Variants in MGAT4C observed in about 807,000 individuals in gnomAD.
The protein encoded by MGAT4C is MGAT4 family member C.
A neutral mutation model predicts 40.1 loss-of-function variants in MGAT4C; 19 were observed. That is an observed-to-expected ratio of 0.47 (90% CI 0.33 to 0.70). MGAT4C has a LOEUF of 0.70. Among genes scored for constraint, MGAT4C ranks in the 30% least tolerant of loss-of-function variants. The pLI, the probability that MGAT4C is intolerant of heterozygous loss-of-function variation, is 0.02. For synonymous variants in MGAT4C, 181 were observed against 187.1 expected (o/e 0.97, Z 0.27); for missense variants, 491 against 563.2 (o/e 0.87, Z 1.30).
intron 1 of MGAT4C, among the ~76,000 whole-genome samples, chr12:86,142,964 A>C (rs879846632): frequency 6.6e-6 from 1 of 152,162 alleles, no homozygotes; most frequent in Admixed American, 6.6e-5. Context: ...GAGGCTCCAG[A>C]GAACCCACTT....
At chr12:86,531,839 A>C (rs1383096780) in intron 2 of MGAT4C, among the ~76,000 whole-genome samples, 1 of 151,836 alleles carries the variant, frequency 6.6e-6, no homozygotes, top group African/African-American at 2.4e-5. Context: ...TTTGGTAACA[A>C]TTTTAACTTT....
chr12:86,105,154 C>T (rs571538642), intron 1 of MGAT4C, among the ~76,000 whole-genome samples: 6 of 152,010 alleles, frequency 3.9e-5, no homozygotes, highest in Non-Finnish European at 7.4e-5. Context: ...TTTTTTGCAA[C>T]GATTTCATCT....
At chr12:86,553,072 A>T (rs1336748615) in intron 2 of MGAT4C, among the ~76,000 whole-genome samples, 2 of 152,108 alleles carry the variant, frequency 1.3e-5, no homozygotes, top group Non-Finnish European at 2.9e-5. Context: ...CTACCTAGGT[A>T]AGTATTTCTT....
At chr12:86,597,438 G>A (rs954897101) in intron 2 of MGAT4C, among the ~76,000 whole-genome samples, 1 of 152,180 alleles carries the variant, frequency 6.6e-6, no homozygotes, top group African/African-American at 2.4e-5. Flanking sequence ...AGCTCATGCA[G>A]CATTAATCAT....
chr12:86,159,825 AC>A (rs1885396776), intron 1 of MGAT4C, among the ~76,000 whole-genome samples: 1 of 151,886 alleles, frequency 6.6e-6, no homozygotes, highest in African/African-American at 2.4e-5. Flanking sequence ...ATAGTTGTCC[AC>A]AGTCATCTCT....
chr12:86,745,921 G>A lies in MGAT4C; in HGVS notation c.-261-18680C>T, dbSNP rs112650684. Among the ~76,000 whole-genome samples the A allele has an allele frequency of 9.0e-4, 136 of 151,714 alleles. 3 individuals are homozygous for A. Among genetic ancestry groups the A allele is most frequent in the African/African-American group, 2.0e-3 (83 of 41,454 alleles). On this transcript the variant is annotated intron_variant, in intron 1 of 7. Coordinates refer to the MGAT4C transcript ENST00000548651. ...AGATTTCAGGCATTTGTTTTAATGA[G>A]GCAGAATTATACAGCTGTCTATCTC...
chr12:86,303,845 C>T (rs534300180), intron 4 of MGAT4C, among the ~76,000 whole-genome samples: 2 of 150,406 alleles, frequency 1.3e-5, no homozygotes, highest in Admixed American at 6.6e-5. Context: ...TACTTTGTTA[C>T]GTTGTGAAAG....
chr12:86,673,550 A>G (rs1166909697), intron 2 of MGAT4C, among the ~76,000 whole-genome samples: 2 of 152,182 alleles, frequency 1.3e-5, no homozygotes, highest in Admixed American at 1.3e-4. Context: ...TAATATATGC[A>G]TAACATAATA....
chr12:86,450,155 T>G (rs1957401434), intron 2 of MGAT4C, among the ~76,000 whole-genome samples: 1 of 152,148 alleles, frequency 6.6e-6, no homozygotes, highest in African/African-American at 2.4e-5. Context: ...GCAGTGTCAG[T>G]TTCCACATTC....
chr12:86,692,454 A>T (rs183042228), intron 2 of MGAT4C, among the ~76,000 whole-genome samples: 1 of 152,218 alleles, frequency 6.6e-6, no homozygotes, highest in East Asian at 1.9e-4. Flanking sequence ...TTAACACATA[A>T]ATAAATGGAA....
chr12:86,359,764 C>T (rs1214383306), intron 3 of MGAT4C, among the ~76,000 whole-genome samples: 2 of 152,172 alleles, frequency 1.3e-5, no homozygotes, highest in African/African-American at 4.8e-5. Context: ...CATACACCCT[C>T]CCAAGACTAA....
intron 3 of MGAT4C, among the ~76,000 whole-genome samples, chr12:85,987,665 T>A (rs927392326): frequency 1.3e-5 from 2 of 152,210 alleles, no homozygotes; most frequent in African/African-American, 4.8e-5. Context: ...TATTTTCTAA[T>A]TGACATATAC....
At chr12:86,524,997 T>C (rs1454116481) in intron 2 of MGAT4C, among the ~76,000 whole-genome samples, 2 of 152,124 alleles carry the variant, frequency 1.3e-5, no homozygotes, top group Non-Finnish European at 2.9e-5. Flanking sequence ...TTACTTGGAG[T>C]GGGTTTCAAC....
chr12:86,392,913 TA>T (rs1956184066), intron 3 of MGAT4C, among the ~76,000 whole-genome samples: 2 of 152,182 alleles, frequency 1.3e-5, no homozygotes, highest in African/African-American at 4.8e-5. Context: ...ATATGATACA[TA>T]AATTATTGAA....
At chr12:86,467,487 G>C (rs1174617292) in intron 2 of MGAT4C, among the ~76,000 whole-genome samples, 1 of 152,096 alleles carries the variant, frequency 6.6e-6, no homozygotes, top group Non-Finnish European at 1.5e-5. Context: ...CTTTGTAATA[G>C]CATCCAGAGA....
intron 4 of MGAT4C, among the ~76,000 whole-genome samples, chr12:86,284,952 T>G (rs1953315010): frequency 6.6e-6 from 1 of 152,048 alleles, no homozygotes; most frequent in African/African-American, 2.4e-5. Flanking sequence ...GCAACTAAAC[T>G]TTGGTTGTCT....
At chr12:86,053,336 C>G (rs1893075568) in intron 1 of MGAT4C, among the ~76,000 whole-genome samples, 1 of 151,706 alleles carries the variant, frequency 6.6e-6, no homozygotes, top group Non-Finnish European at 1.5e-5. Flanking sequence ...GATGTTCTGT[C>G]CCTTGGTTGG....
chr12:86,573,573 A>C (rs747692563), intron 2 of MGAT4C, among the ~76,000 whole-genome samples: 2 of 151,910 alleles, frequency 1.3e-5, no homozygotes, highest in Non-Finnish European at 2.9e-5. Context: ...CCTACCACCA[A>C]CATCACCACC....
intron 3 of MGAT4C, among the ~76,000 whole-genome samples, chr12:86,433,066 C>T (rs1359699635): frequency 6.6e-6 from 1 of 151,834 alleles, no homozygotes; most frequent in African/African-American, 2.4e-5. Flanking sequence ...GCAGTGTTCT[C>T]AAGATGAACA....
Sources: allele counts gnomAD v4.1 joint callset (sites outside exome capture counted in the v4.1 genomes callset), GRCh38; gene constraint gnomAD v4.1.1; transcripts MANE v1.5; gene names NCBI Gene and HGNC (gene_info 2026-07-23, HGNC 2026-07-21).